CTXND1: variants seen among roughly 807,000 people sequenced by gnomAD.
CTXND1 encodes cortexin domain containing 1, also known as cortexin domain-containing 1 protein.
intron 1 of CTXND1, among the ~76,000 whole-genome samples, chr15:80,246,368 G>A (rs956990852): frequency 6.6e-6 from 1 of 152,194 alleles, no homozygotes; most frequent in Non-Finnish European, 1.5e-5. Context: ...TGGTTAAAAG[G>A]CACCTGGCCT....
chr15:80,233,726 C>T (rs1322208454), intron 1 of CTXND1, among the ~76,000 whole-genome samples: 2 of 152,232 alleles, frequency 1.3e-5, no homozygotes, highest in East Asian at 3.8e-4. Flanking sequence ...ACAAAGGCAA[C>T]CTGCAAGCGA....
In CTXND1 at chr15:80,201,572, G is replaced by A. The variant is rs1034244930; in HGVS notation, c.*198C>T. On this transcript the variant is annotated 3_prime_UTR_variant, in exon 3 of 3. Coordinates refer to ENST00000560778, the MANE Select transcript of CTXND1 (RefSeq NM_001352888.2). ...TTTCCCCTGGCTGGTCCATGGTTGC[G>A]ACACCCACGGCACCCGGGCATTCCA... 6 of 387,782 alleles carry A rather than the reference G, an allele frequency of 1.5e-5. No homozygotes were observed. Among genetic ancestry groups the A allele is most frequent in the African/African-American group, 1.0e-4 (5 of 48,420 alleles). The allele number at this position is 387,782 out of a possible 1,614,324, so 24.0% of individuals were successfully genotyped here. A position where few individuals can be genotyped will look rare whatever the true frequency, so the allele number is the denominator to read the frequency against.
intron 1 of CTXND1, among the ~76,000 whole-genome samples, chr15:80,229,871 A>G (rs1433585009): frequency 6.6e-6 from 1 of 152,204 alleles, no homozygotes; most frequent in Non-Finnish European, 1.5e-5. Flanking sequence ...CCTCAAACAG[A>G]GAGAGATCTA....
At chr15:80,224,670 A>G (rs1364293764) in intron 1 of CTXND1, among the ~76,000 whole-genome samples, 1 of 152,226 alleles carries the variant, frequency 6.6e-6, no homozygotes, top group Non-Finnish European at 1.5e-5. Context: ...TAGCAATATC[A>G]AGTGACCCAA....
intron 1 of CTXND1, among the ~76,000 whole-genome samples, chr15:80,231,428 C>A (rs958434945): frequency 6.6e-6 from 1 of 152,062 alleles, no homozygotes; most frequent in South Asian, 2.1e-4. Flanking sequence ...AAAAACTTCT[C>A]CTGTGTCAAC....
In CTXND1 at chr15:80,243,925, A is replaced by G. The variant is rs564069727; in HGVS notation, c.-218+8082T>C. 3.3e-5 allele frequency among the ~76,000 whole-genome samples: 5 copies of G among 152,268 alleles called. No homozygotes were observed. In the East Asian group the frequency reaches 7.7e-4, roughly 24 times the overall value. On this transcript the variant is annotated intron_variant, in intron 1 of 2. Coordinates refer to ENST00000560778, the MANE Select transcript of CTXND1 (RefSeq NM_001352888.2). Reference sequence around the variant, plus strand: ...CTGTGTTAACAGCTCCTGGGAGGAGACCAGGGGATGTTGGAGGAGTATGAT... The same window carrying G: ...CTGTGTTAACAGCTCCTGGGAGGAGGCCAGGGGATGTTGGAGGAGTATGAT...
intron 1 of CTXND1, among the ~76,000 whole-genome samples, chr15:80,248,398 G>C (rs976336573): frequency 3.3e-5 from 5 of 152,310 alleles, no homozygotes; most frequent in East Asian, 1.9e-4. Context: ...AAAGGGTAAG[G>C]AGAGAAAGAA....
chr15:80,204,533 A>C (rs1421933812), intron 1 of CTXND1, among the ~76,000 whole-genome samples: 1 of 151,642 alleles, frequency 6.6e-6, no homozygotes, highest in Non-Finnish European at 1.5e-5. Context: ...GGAATTGTAC[A>C]GTATTTGTCT....
At chr15:80,237,746 C>T (rs1299229094) in intron 1 of CTXND1, among the ~76,000 whole-genome samples, 3 of 152,096 alleles carry the variant, frequency 2.0e-5, no homozygotes, top group Non-Finnish European at 2.9e-5. Context: ...CAGTGGCTCA[C>T]GCCTGTAATC....
intron 1 of CTXND1, among the ~76,000 whole-genome samples, chr15:80,223,695 C>T (rs1893343122): frequency 6.6e-6 from 1 of 152,060 alleles, no homozygotes; most frequent in African/African-American, 2.4e-5. Context: ...CGCTCTGCAT[C>T]CTCATCAGCA....
chr15:80,200,605 C>T lies in CTXND1; in HGVS notation c.*1165G>A, dbSNP rs1026986136. On this transcript the variant is annotated 3_prime_UTR_variant, in exon 3 of 3. Transcript: ENST00000560778. The stretch of plus-strand genomic sequence containing the variant: ...ATAGTATATTCACTCCCCTTTCTGT[C>T]CTTTCGTTCACATGAGGTATATGCA... 71 of 152,222 alleles carry T rather than the reference C, an allele frequency of 4.7e-4. No homozygotes were observed. The highest frequency in any genetic ancestry group is 1.7e-3 in the African/African-American group (69 of 41,514). The allele number at this position is 152,222 out of a possible 1,614,324, so 9.4% of individuals were successfully genotyped here. A position where few individuals can be genotyped will look rare whatever the true frequency, so the allele number is the denominator to read the frequency against.
Position 80,232,303 on chromosome 15 carries a change from G to A in CTXND1, c.-218+19704C>T, listed in dbSNP as rs16971864. Among the ~76,000 whole-genome samples, 3,905 of 152,220 alleles carry A rather than the reference G, an allele frequency of 0.026. 341 individuals are homozygous for A. The East Asian group carries it at 0.28, about 11-fold the overall frequency. ...GAATCACAGAGGAATCGCTTACAGA[G>A]TCTCATGTATTTAGAGATATCCAAT... is the stretch of plus-strand genomic sequence containing the variant. On this transcript the variant is annotated intron_variant, in intron 1 of 2. Transcript: ENST00000560778.
intron 1 of CTXND1, among the ~76,000 whole-genome samples, chr15:80,228,304 A>T (rs1299943316): frequency 6.6e-6 from 1 of 152,234 alleles, no homozygotes; most frequent in African/African-American, 2.4e-5. Flanking sequence ...ACTTCCTTCC[A>T]TGAATCATGA....
At chr15:80,233,753 G>A (rs550245393) in intron 1 of CTXND1, among the ~76,000 whole-genome samples, 76 of 152,320 alleles carry the variant, frequency 5.0e-4, no homozygotes, top group Non-Finnish European at 9.1e-4. Context: ...TTGCTGTCTC[G>A]CGGAGTGATT....
chr15:80,208,277 A>G (rs895120162), intron 1 of CTXND1, among the ~76,000 whole-genome samples: 2 of 152,262 alleles, frequency 1.3e-5, no homozygotes, highest in Non-Finnish European at 2.9e-5. Context: ...ATATGCACAT[A>G]CACACAATAG....
intron 1 of CTXND1, among the ~76,000 whole-genome samples, chr15:80,211,961 A>G (rs1893208520): frequency 6.6e-6 from 1 of 152,168 alleles, no homozygotes; most frequent in South Asian, 2.1e-4. Context: ...GTAGAAGACT[A>G]TCCTTAGACT....
intron 1 of CTXND1, among the ~76,000 whole-genome samples, chr15:80,226,894 G>A (rs894051287): frequency 1.3e-5 from 2 of 152,138 alleles, no homozygotes; most frequent in African/African-American, 4.8e-5. Context: ...ATTTCAGTGG[G>A]ATGTAAAGAG....
intron 1 of CTXND1, among the ~76,000 whole-genome samples, chr15:80,207,600 T>C (rs1425567296): frequency 6.6e-6 from 1 of 152,242 alleles, no homozygotes; most frequent in Non-Finnish European, 1.5e-5. Flanking sequence ...TTTCTTGATA[T>C]ACCTGATAAA....
intron 2 of CTXND1, 86 bp from the exon 3 acceptor site, chr15:80,202,100 T>G: frequency 2.5e-6 from 1 of 396,504 alleles, no homozygotes; most frequent in Non-Finnish European, 4.4e-6. Flanking sequence ...TGCTCCCTCT[T>G]ATCTGCTACC....
Sources: allele counts gnomAD v4.1 joint callset (sites outside exome capture counted in the v4.1 genomes callset), GRCh38; gene constraint gnomAD v4.1.1; transcripts MANE v1.5; gene names NCBI Gene and HGNC (gene_info 2026-07-23, HGNC 2026-07-21).